The following POLR1B variants were observed in gnomAD, a reference collection of about 807,000 sequenced individuals.
POLR1B encodes DNA-directed RNA polymerase I subunit RPA2.
POLR1B carries 30 observed loss-of-function variants against 105.8 expected under a neutral mutation model. That is an observed-to-expected ratio of 0.28 (90% confidence interval 0.21 to 0.38). The LOEUF is 0.38. Ranked by LOEUF, POLR1B falls within the 10% of genes least tolerant of loss-of-function variation. POLR1B has a pLI of 1.00. For synonymous variants in POLR1B, 485 were observed against 505.1 expected (o/e 0.96, Z 0.53); for missense variants, 976 against 1,435.8 (o/e 0.68, Z 5.17).
chr2:112,554,859 C>T (rs1290340472), intron 7 of POLR1B, among the ~76,000 whole-genome samples: 20 of 151,744 alleles, frequency 1.3e-4, no homozygotes, highest in Admixed American at 1.3e-3. Flanking sequence ...CTGGACAGCA[C>T]AGAGAGATCG....
In POLR1B at chr2:112,573,649, C is replaced by G; in HGVS notation, c.2359C>G (p.Gln787Glu). ...CATAGACCTCTCTGAAAAAATTAAA[C>G]AAGGAGATAGTAGCCTGGTGTTTGG... is the stretch of plus-strand genomic sequence containing the variant. ...EFIDLSEKIK[Q>E]GDSSLVFGIK... is the part of the protein sequence containing the mutation. The change falls in exon 14 of 15, where the codon CAA (glutamine) becomes GAA (glutamate). Residue 787 changes from glutamine to glutamate, a missense_variant. By Grantham distance (29) the Gln-to-Glu change is conservative (BLOSUM62 2). Coordinates refer to ENST00000263331, the MANE Select transcript of POLR1B (RefSeq NM_019014.6). The G allele has an allele frequency of 6.2e-7, 1 of 1,614,134 alleles. No individual in the cohort carries two copies. The highest frequency in any genetic ancestry group is 8.5e-7 in the Non-Finnish European group (1 of 1,180,030).
chr2:112,542,510 C>T lies in POLR1B; in HGVS notation c.16C>T (p.Arg6Trp), dbSNP rs142463225. 1 of 1,613,848 alleles carries T rather than the reference C, an allele frequency of 6.2e-7. No individual in the cohort carries two copies. Reference protein sequence around the residue: MDPGSRWRNLPSGPSL... With the variant: MDPGSWWRNLPSGPSL... ...AGGTGGCCACATGGATCCTGGCAGC[C>T]GGTGGCGGAACCTGCCCAGCGGGCC... Residue 6 changes from arginine (R) to tryptophan (W), a missense_variant, in exon 1 of 15, where the codon CGG becomes TGG. Transcript: ENST00000263331.
rs766242539 is a variant in POLR1B, at chr2:112,547,165, C to T, written c.331C>T (p.Arg111Cys). 8 of 1,614,090 alleles carry T rather than the reference C, an allele frequency of 5.0e-6. No homozygotes were observed. The highest frequency in any genetic ancestry group is 2.2e-5 in the East Asian group (1 of 44,882). Residue 111 changes from arginine to cysteine, a missense_variant, in exon 2 of 15, where the codon CGT (arginine) becomes TGT (cysteine). Coordinates refer to ENST00000263331, the MANE Select transcript of POLR1B (RefSeq NM_019014.6). ...AECRGRRSTY[R>C]GKLTADINWA... Reference sequence around the variant, plus strand: ...ATGCCGGGGCCGAAGGAGTACCTACCGTGGGAAGTTGACAGTGAGTACTAG... The same window carrying T: ...ATGCCGGGGCCGAAGGAGTACCTACTGTGGGAAGTTGACAGTGAGTACTAG...
chr2:112,578,924 C>G lies in POLR1B; in HGVS notation c.*3195C>G, dbSNP rs1329257767. Among the ~76,000 whole-genome samples, 1 of 152,068 alleles carries G rather than the reference C, an allele frequency of 6.6e-6. No homozygotes were observed. Among genetic ancestry groups the G allele is most frequent in the Non-Finnish European group, 1.5e-5 (1 of 68,016 alleles). On this transcript the variant is annotated 3_prime_UTR_variant, in exon 15 of 15. Transcript: ENST00000263331. ...GTAACTGAAACTGCATAAAGCAAAA[C>G]TGGCTGGGTGCGGTGGTGCACACCT... is the stretch of plus-strand genomic sequence containing the variant.
intron 3 of POLR1B, among the ~76,000 whole-genome samples, chr2:112,548,986 G>T (rs1253294897): frequency 6.6e-6 from 1 of 152,130 alleles, no homozygotes; most frequent in Non-Finnish European, 1.5e-5. Context: ...CATTTTAGGG[G>T]ACAGAAAGGC....
Position 112,577,817 on chromosome 2 carries a change from A to AT in POLR1B, c.*2089dup, listed in dbSNP as rs1684933528. Among the ~76,000 whole-genome samples, 1 of 140,266 alleles carries AT rather than the reference A, an allele frequency of 7.1e-6. No individual in the cohort carries two copies. 92.0% of individuals were successfully genotyped at this position (140,266 alleles called of 152,430 possible). On this transcript the variant is annotated 3_prime_UTR_variant, in exon 15 of 15. Coordinates refer to ENST00000263331, the MANE Select transcript of POLR1B (RefSeq NM_019014.6). ...ACCACACTCCAGCCTGGGCGACAGAATGAGACCCTGTCTCAAAAAAAAAAA... is the reference window on the plus strand; with the variant it reads ...ACCACACTCCAGCCTGGGCGACAGAATTGAGACCCTGTCTCAAAAAAAAAAA...
In POLR1B at chr2:112,568,145, C is replaced by T; in HGVS notation, c.1917+8C>T. ...ATTGGAACTATGGAACAGGTAAATA[C>T]ATATGTGTGATGGATGAGTGTATGT... On this transcript the variant is annotated splice_region_variant and intron_variant, in intron 11 of 14. Coordinates refer to ENST00000263331, the MANE Select transcript of POLR1B (RefSeq NM_019014.6). 3 of 1,609,384 alleles carry T rather than the reference C, an allele frequency of 1.9e-6. No homozygotes were observed. Among genetic ancestry groups the T allele is most frequent in the Non-Finnish European group, 2.6e-6 (3 of 1,176,016 alleles).
At position 112,577,400 on chromosome 2, in the gene POLR1B, T is replaced by C. The variant is rs536966436; in HGVS notation, c.*1671T>C. ...AAAAAAGCAACAACGACAAAAAAAA[T>C]TAGCCAAGCATAGTGGCACACCCCT... On this transcript the variant is annotated 3_prime_UTR_variant, in exon 15 of 15. Transcript: ENST00000263331. Among the ~76,000 whole-genome samples, 1 of 152,130 alleles carries C rather than the reference T, an allele frequency of 6.6e-6. No individual in the cohort carries two copies. Among genetic ancestry groups the C allele is most frequent in the African/African-American group, 2.4e-5 (1 of 41,498 alleles).
Position 112,577,003 on chromosome 2 carries a change from T to TCC in POLR1B, c.*1277_*1278dup, listed in dbSNP as rs1374382269. ...AGTATTTTATTGTATGGATTTACCATCCCCTGTGTATTTAAGTTGTTCCAT... is the reference window on the plus strand; with the variant it reads ...AGTATTTTATTGTATGGATTTACCATCCCCCCTGTGTATTTAAGTTGTTCCAT... On this transcript the variant is annotated 3_prime_UTR_variant, in exon 15 of 15. Coordinates refer to ENST00000263331, the MANE Select transcript of POLR1B (RefSeq NM_019014.6). The TCC allele has an allele frequency of 6.6e-6, 1 of 152,260 alleles. No individual in the cohort carries two copies. The highest frequency in any genetic ancestry group is 1.9e-4 in the East Asian group (1 of 5,204). The allele number at this position is 152,260 out of a possible 1,614,324, so 9.4% of individuals were successfully genotyped here.
At position 112,552,830 on chromosome 2, in the gene POLR1B, A is replaced by G. The variant is rs1198342219; in HGVS notation, c.1158+14A>G. On this transcript the variant is annotated intron_variant, in intron 7 of 14. Transcript: ENST00000263331. ...ATGTTCCTGAAGGTAAATGCATGCT[A>G]TGTCCACCCTTGGCCAGTGGTACCA... The G allele has an allele frequency of 3.6e-5, 56 of 1,558,038 alleles. No individual in the cohort carries two copies. The highest frequency in any genetic ancestry group is 4.6e-5 in the Non-Finnish European group (53 of 1,151,776).
intron 12 of POLR1B, 54 bp downstream of exon 12, chr2:112,568,956 A>G: frequency 6.6e-7 from 1 of 1,520,740 alleles, no homozygotes; most frequent in Non-Finnish European, 9.0e-7. Context: ...ACTTGATACT[A>G]GCACACTCTT....
chr2:112,549,100 A>T (rs1683223252), intron 3 of POLR1B, among the ~76,000 whole-genome samples, 167 bp from the exon 4 acceptor site: 3 of 152,186 alleles, frequency 2.0e-5, no homozygotes, highest in Admixed American at 1.3e-4. Flanking sequence ...AAAACTGTTA[A>T]TTCACACAAA....
Position 112,575,288 on chromosome 2 carries a change from A to C in POLR1B, c.2967A>C (p.Glu989Asp), listed in dbSNP as rs924875545. Residue 989 changes from glutamate (E) to aspartate (D), a missense_variant, in exon 15 of 15, where the codon GAA becomes GAC. This residue lies in a region of POLR1B where 40 missense variants were observed against 49.6 expected (regional missense o/e 0.81). Coordinates refer to ENST00000263331, the MANE Select transcript of POLR1B (RefSeq NM_019014.6). The surrounding 1 kb of genome is among the most constrained non-coding windows in gnomAD (Gnocchi z 5.3). Reference sequence around the variant, plus strand: ...GTGGCATCAGTGGGCTAGAACTGGAAGCAGACATCTTCATAGGAGTGGTTT... The same window carrying C: ...GTGGCATCAGTGGGCTAGAACTGGACGCAGACATCTTCATAGGAGTGGTTT... The part of the protein sequence containing the change: ...LYSGISGLEL[E>D]ADIFIGVVYY... 3 of 1,614,022 alleles carry C rather than the reference A, an allele frequency of 1.9e-6. No individual in the cohort carries two copies. The highest frequency in any genetic ancestry group is 2.5e-6 in the Non-Finnish European group (3 of 1,180,022).
At position 112,550,906 on chromosome 2, in the gene POLR1B, C is replaced by G. The variant is rs1476772262; in HGVS notation, c.666C>G (p.Val222=). 1.2e-6 allele frequency: 2 copies of G among 1,613,844 alleles called. No individual in the cohort carries two copies. The highest frequency in any genetic ancestry group is 1.7e-6 in the Non-Finnish European group (2 of 1,179,850). ...MHCVREEHSA[V]NMNLHYLENG... is the part of the protein sequence containing the mutation. ...GTGTGAGGGAAGAACATTCCGCTGTCAATATGAACCTCCACTACTTGGAAA... is the reference window on the plus strand; with the variant it reads ...GTGTGAGGGAAGAACATTCCGCTGTGAATATGAACCTCCACTACTTGGAAA... Residue 222 remains valine, a synonymous_variant, in exon 5 of 15, where the codon GTC becomes GTG. Coordinates refer to ENST00000263331, the MANE Select transcript of POLR1B (RefSeq NM_019014.6).
At chr2:112,569,299 A>C (rs1403937094) in intron 12 of POLR1B, among the ~76,000 whole-genome samples, 1 of 152,200 alleles carries the variant, frequency 6.6e-6, no homozygotes, top group African/African-American at 2.4e-5. Flanking sequence ...TCAAGTTTTC[A>C]TTGTATACAA....
intron 9 of POLR1B, among the ~76,000 whole-genome samples, chr2:112,560,364 C>T (rs913576583): frequency 2.0e-5 from 3 of 152,074 alleles, no homozygotes; most frequent in Admixed American, 6.5e-5. Context: ...CATCTCTTGG[C>T]GGATCTTTGC....
At chr2:112,572,432 C>A (rs1334971627) in intron 12 of POLR1B, 130 bp from the exon 13 acceptor site, 2 of 624,964 alleles carry the variant, frequency 3.2e-6, no homozygotes, top group Non-Finnish European at 2.6e-6. Flanking sequence ...CTAAAGTAAG[C>A]ATAACTACCA....
intron 10 of POLR1B, among the ~76,000 whole-genome samples, chr2:112,566,556 C>T (rs1684283307): frequency 6.6e-6 from 1 of 152,032 alleles, no homozygotes; most frequent in South Asian, 2.1e-4. Context: ...TTTATAGATG[C>T]TTGTTTAATT....
rs934259496 is a variant in POLR1B, at chr2:112,574,924, G to C, written c.2603G>C (p.Cys868Ser). The C allele has an allele frequency of 9.9e-6, 16 of 1,613,968 alleles. No homozygotes were observed. The Admixed American group carries it at 2.7e-4, about 27-fold the overall frequency. The change falls in exon 15 of 15, where the codon TGC becomes TCC. Residue 868 changes from cysteine to serine, a missense_variant. Coordinates refer to ENST00000263331, the MANE Select transcript of POLR1B (RefSeq NM_019014.6). ...GGGAGTGGAAAATTCAAGTGTGTTT[G>C]CATCACTATGAGAGTGCCTCGGAAC... ...DTGSGKFKCV[C>S]ITMRVPRNPT...
Sources: gnomAD v4.1 joint callset for allele counts (sites outside exome capture counted in the v4.1 genomes callset) on GRCh38, gnomAD v4.1.1 for gene constraint, gnomAD v4.1.1 regional missense constraint, Gnocchi (gnomAD v3.1) non-coding constraint, MANE v1.5 for transcripts, NCBI Gene and HGNC (gene_info 2026-07-23, HGNC 2026-07-21) for gene names.